LYST: variants seen among roughly 807,000 people sequenced by gnomAD.
The protein encoded by LYST is lysosomal trafficking regulator, also known as lysosomal-trafficking regulator.
Under a neutral mutation model 413.6 loss-of-function variants are expected in LYST, and 192 were observed. The ratio of observed to expected loss-of-function variants is 0.46; its 90% CI spans 0.41 to 0.52. The LOEUF (loss-of-function observed/expected upper bound fraction) is 0.52. Ranked by LOEUF, LYST falls within the 20% of genes least tolerant of loss-of-function variation. LYST has a pLI of 0.00. For missense variants in LYST, 3,815 were observed against 4,499.9 expected (o/e 0.85, Z 4.35); for synonymous variants, 1,525 against 1,567.3 (o/e 0.97, Z 0.64).
chr1:235,787,623 T>G (rs1370224618), intron 13 of LYST, among the ~76,000 whole-genome samples: 1 of 152,094 alleles, frequency 6.6e-6, no homozygotes, highest in Non-Finnish European at 1.5e-5. Context: ...GGCAATAATG[T>G]TCAGAATTCA....
chr1:235,739,717 G>C (rs1241701036), intron 31 of LYST, among the ~76,000 whole-genome samples: 1 of 152,036 alleles, frequency 6.6e-6, no homozygotes, highest in Non-Finnish European at 1.5e-5. Context: ...GAGAGACTTA[G>C]AGAAATCACT....
At chr1:235,816,457 TA>T (rs1231395765) in intron 3 of LYST, among the ~76,000 whole-genome samples, 2 of 103,412 alleles carry the variant, frequency 1.9e-5, no homozygotes, top group Non-Finnish European at 3.8e-5. Context: ...AATAAATAAA[TA>T]AAAAATAAAA....
In LYST at chr1:235,697,130, CCA is replaced by C. The variant is rs1661174900; in HGVS notation, c.10515_10516del (p.Cys3505TrpfsTer13). The C allele has an allele frequency of 6.2e-7, 1 of 1,614,156 alleles. No individual in the cohort carries two copies. Among genetic ancestry groups the C allele is most frequent in the Non-Finnish European group, 8.5e-7 (1 of 1,180,014 alleles). On this transcript the variant is annotated frameshift_variant, in exon 46 of 53. Transcript: ENST00000389793. LOFTEE classifies it high-confidence loss of function. Reference sequence around the variant, plus strand: ...CAGAAGACAGAAATTCCGTGACAAACCACAGATTGCTCTGGTGGGCAGAGCCT... The same window carrying C: ...CAGAAGACAGAAATTCCGTGACAAACCAGATTGCTCTGGTGGGCAGAGCCT...
intron 34 of LYST, among the ~76,000 whole-genome samples, chr1:235,731,730 A>AT (rs984457495): frequency 2.0e-4 from 31 of 151,376 alleles, no homozygotes; most frequent in African/African-American, 5.1e-4. Context: ...TAATTTTTGT[A>AT]TTTTTTTAGT....
chr1:235,808,956 T>A lies in LYST; in HGVS notation c.1862A>T (p.Asp621Val), dbSNP rs772932657. The A allele has an allele frequency of 1.8e-5, 29 of 1,613,806 alleles. No homozygotes were observed. The highest frequency in any genetic ancestry group is 1.7e-6 in the Non-Finnish European group (2 of 1,179,890). Residue 621 changes from aspartate (D) to valine (V), a missense_variant, in exon 5 of 53, where the codon GAT (aspartate) becomes GTT (valine). Asp to Val is a radical substitution (Grantham distance 152). Around this residue, in one of 4 missense-constraint regions of LYST, gnomAD observed 1,648 missense variants for 1,810.3 expected, o/e 0.91. Coordinates refer to ENST00000389793, the MANE Select transcript of LYST (RefSeq NM_000081.4). ...TGATATCTCTGCTCCTCCTAACTGA[T>A]CCAAAATAAGTTTGTTAAGGATATT... ...ILNILNKLIL[D>V]QLGGAEISPK...
At chr1:235,714,009 T>A (rs1662623424) in intron 42 of LYST, among the ~76,000 whole-genome samples, 1 of 152,152 alleles carries the variant, frequency 6.6e-6, no homozygotes, top group South Asian at 2.1e-4. Context: ...TAGTCTTGGA[T>A]GGAGGGAGGT....
chr1:235,845,635 G>A (rs193189858), intron 1 of LYST, among the ~76,000 whole-genome samples: 21 of 114,372 alleles, frequency 1.8e-4, no homozygotes, highest in African/African-American at 6.8e-4. Flanking sequence ...ACAGACTCCC[G>A]GCAGTTAGGG....
In LYST at chr1:235,664,149, A is replaced by G; in HGVS notation, c.11196-94T>C. On this transcript the variant is annotated intron_variant, in intron 51 of 52. Coordinates refer to ENST00000389793, the MANE Select transcript of LYST (RefSeq NM_000081.4). This position sits in a 1 kb window ranked among gnomAD's most constrained non-coding sequence, Gnocchi z 4.5. ...GTTTATTTGTTAAAAATCATGTGGA[A>G]GGAAATGTAACAAACAATTAACAGT... is the stretch of plus-strand genomic sequence containing the variant. The G allele has an allele frequency of 1.0e-6, 1 of 984,900 alleles. No individual in the cohort carries two copies. Among genetic ancestry groups the G allele is most frequent in the Admixed American group, 1.7e-5 (1 of 57,878 alleles). 61.0% of individuals were successfully genotyped at this position (984,900 alleles called of 1,614,324 possible).
intron 44 of LYST, among the ~76,000 whole-genome samples, chr1:235,707,842 A>G (rs1282309921): frequency 6.6e-6 from 1 of 152,156 alleles, no homozygotes; most frequent in East Asian, 1.9e-4. Context: ...AACATTTGGA[A>G]CCAGAATTGT....
intron 50 of LYST, among the ~76,000 whole-genome samples, chr1:235,672,944 A>G (rs956909820): frequency 1.3e-5 from 2 of 152,160 alleles, no homozygotes; most frequent in Non-Finnish European, 2.9e-5. Context: ...AAAGCCTCCT[A>G]GCACAAACTC....
intron 1 of LYST, among the ~76,000 whole-genome samples, chr1:235,834,954 G>A (rs78968968): frequency 6.6e-6 from 1 of 151,572 alleles, no homozygotes; most frequent in South Asian, 2.1e-4. Flanking sequence ...TCACCCTTTC[G>A]CCCAGGCTTG....
chr1:235,792,019 CCG>C lies in LYST; in HGVS notation c.4221_4222del (p.Asn1407LysfsTer14). The C allele has an allele frequency of 6.2e-7, 1 of 1,614,044 alleles. No individual in the cohort carries two copies. Among genetic ancestry groups the C allele is most frequent in the Non-Finnish European group, 8.5e-7 (1 of 1,179,958 alleles). On this transcript the variant is annotated frameshift_variant, in exon 12 of 53. Coordinates refer to ENST00000389793, the MANE Select transcript of LYST (RefSeq NM_000081.4). LOFTEE classifies it high-confidence loss of function. Reference sequence around the variant, plus strand: ...CCCAGGATACTTTTGTGATGAAACACCGTTGCTTAAATTTGGAGCGTGCAGTA... The same window carrying C: ...CCCAGGATACTTTTGTGATGAAACACTTGCTTAAATTTGGAGCGTGCAGTA...
In LYST at chr1:235,787,324, C is replaced by A. The variant is rs1670529136; in HGVS notation, c.4738G>T (p.Val1580Phe). The stretch of plus-strand genomic sequence containing the variant: ...AGGAAAATATTCTCCTGTGATTCAA[C>A]CTGTGCTAGTAAAACAGCTTTCATG... ...DDMKAVLLAQVESQENIFLPS... is the reference protein window; with the variant it reads ...DDMKAVLLAQFESQENIFLPS... The change falls in exon 14 of 53, where the codon GTT becomes TTT. Residue 1580 changes from valine (V) to phenylalanine (F), a missense_variant. By Grantham distance (50) the Val-to-Phe change is conservative (BLOSUM62 -1). This residue lies in a region of LYST where 530 missense variants were observed against 696.5 expected (regional missense o/e 0.76). Transcript: ENST00000389793. 1 of 1,613,766 alleles carries A rather than the reference C, an allele frequency of 6.2e-7. No homozygotes were observed. The highest frequency in any genetic ancestry group is 1.3e-5 in the African/African-American group (1 of 74,994).
At position 235,686,945 on chromosome 1, in the gene LYST, C is replaced by T. The variant is rs41308172; in HGVS notation, c.10800+4G>A. ...TACTACCCACACAGAAGCCCAGAAC[C>T]TACCGTGCTGCTTGTAAATCTGTTT... On this transcript the variant is annotated splice_donor_region_variant and intron_variant, in intron 48 of 52. Coordinates refer to ENST00000389793, the MANE Select transcript of LYST (RefSeq NM_000081.4). The surrounding 1 kb of genome is among the most constrained non-coding windows in gnomAD (Gnocchi z 4.0). 6.2e-7 allele frequency: 1 copy of T among 1,612,520 alleles called. No homozygotes were observed. The highest frequency in any genetic ancestry group is 1.1e-5 in the South Asian group (1 of 91,058).
chr1:235,734,381 A>ATTTCATCATTTC (rs1379233353), intron 32 of LYST, 102 bp downstream of exon 32: 72 of 934,456 alleles, frequency 7.7e-5, no homozygotes, highest in Non-Finnish European at 1.2e-4. Context: ...TAATCATTTC[A>ATTTCATCATTTC]AGTTCATCAT....
intron 1 of LYST, among the ~76,000 whole-genome samples, chr1:235,882,371 G>C (rs951582182): frequency 2.0e-5 from 3 of 152,230 alleles, no homozygotes; most frequent in African/African-American, 7.2e-5. Flanking sequence ...GATCTTGAAA[G>C]CTCCTGTGTG....
chr1:235,725,308 C>T (rs1236472099), intron 38 of LYST, among the ~76,000 whole-genome samples: 2 of 152,020 alleles, frequency 1.3e-5, no homozygotes, highest in Non-Finnish European at 2.9e-5. Flanking sequence ...ATGGCAGGCA[C>T]CTGTAGTTCC....
intron 10 of LYST, among the ~76,000 whole-genome samples, chr1:235,799,272 AT>A (rs996478881): frequency 1.3e-5 from 2 of 152,156 alleles, no homozygotes; most frequent in African/African-American, 4.8e-5. Context: ...ATACTTTCAT[AT>A]TTTTTTCATA....
intron 40 of LYST, among the ~76,000 whole-genome samples, chr1:235,718,842 T>C (rs1663079378): frequency 6.6e-6 from 1 of 152,238 alleles, no homozygotes; most frequent in Non-Finnish European, 1.5e-5. Flanking sequence ...TTACCTCTAA[T>C]GGGACCAATG....
Sources: allele counts gnomAD v4.1 joint callset (sites outside exome capture counted in the v4.1 genomes callset), GRCh38; gene constraint gnomAD v4.1.1; regional missense constraint gnomAD v4.1.1; non-coding constraint Gnocchi (gnomAD v3.1); transcripts MANE v1.5; gene names NCBI Gene and HGNC (gene_info 2026-07-23, HGNC 2026-07-21).